Variants in MCTP1 observed in about 807,000 individuals in gnomAD.
MCTP1 encodes multiple C2 and transmembrane domain-containing protein 1.
Under a neutral mutation model 120.6 loss-of-function variants are expected in MCTP1, and 69 were observed. That is an observed-to-expected ratio of 0.57 (90% CI 0.47 to 0.70). MCTP1 has a LOEUF of 0.70. MCTP1 is among the 30% of genes least tolerant of loss of function. MCTP1 has a pLI of 0.00. For synonymous variants in MCTP1, 529 were observed against 493.1 expected (o/e 1.07, Z -0.96); for missense variants, 1,203 against 1,248.8 (o/e 0.96, Z 0.55).
chr5:95,194,589 A>G (rs1750177105), intron 1 of MCTP1, among the ~76,000 whole-genome samples: 1 of 152,216 alleles, frequency 6.6e-6, no homozygotes, highest in South Asian at 2.1e-4. Flanking sequence ...ATTTGATGCA[A>G]GTATTCAGGT....
chr5:95,159,422 T>C (rs28711954), intron 1 of MCTP1, among the ~76,000 whole-genome samples: 2,858 of 152,304 alleles, frequency 0.019, 84 homozygotes, highest in African/African-American at 0.065. Flanking sequence ...GTGCCAAGTA[T>C]ATCAGTTATA....
At chr5:95,227,305 T>C (rs748102844) in intron 1 of MCTP1, among the ~76,000 whole-genome samples, 3 of 152,194 alleles carry the variant, frequency 2.0e-5, no homozygotes, top group Non-Finnish European at 4.4e-5. Context: ...AGTTATGTCC[T>C]GAAAGATCAT....
chr5:94,931,167 A>G (rs1581418917), intron 6 of MCTP1: 2 of 152,288 alleles, frequency 1.3e-5, no homozygotes, highest in East Asian at 3.9e-4. Flanking sequence ...AGGTAAAAGC[A>G]TGATTCAATC....
chr5:95,119,879 G>A (rs578018438), intron 1 of MCTP1, among the ~76,000 whole-genome samples: 2 of 152,088 alleles, frequency 1.3e-5, no homozygotes, highest in Admixed American at 6.5e-5. Context: ...ATAATAGAAA[G>A]AGTCTCCCAG....
chr5:94,914,557 G>A (rs1809581136), intron 8 of MCTP1, among the ~76,000 whole-genome samples: 1 of 152,134 alleles, frequency 6.6e-6, no homozygotes, highest in African/African-American at 2.4e-5. Context: ...CTGCCTTGTT[G>A]AACACAGCAC....
rs536821413 is a variant in MCTP1, at chr5:95,135,332, A to G, written c.721-117848T>C. Among the ~76,000 whole-genome samples the G allele has an allele frequency of 9.8e-5, 15 of 152,368 alleles. No homozygotes were observed. The East Asian group carries it at 2.7e-3, about 27-fold the overall frequency. ...TGAATTGAGAATATTAATGATAACT[A>G]TGACTTATTGTTTATAACCTGAATC... On this transcript the variant is annotated intron_variant, in intron 1 of 22. Transcript: ENST00000515393.
At chr5:94,782,267 C>A (rs1776737479) in intron 18 of MCTP1, among the ~76,000 whole-genome samples, 1 of 152,058 alleles carries the variant, frequency 6.6e-6, no homozygotes, top group Non-Finnish European at 1.5e-5. Flanking sequence ...TTTTCCTGGA[C>A]AAAATATTCT....
At chr5:95,152,157 C>T (rs1335684489) in intron 1 of MCTP1, among the ~76,000 whole-genome samples, 1 of 152,188 alleles carries the variant, frequency 6.6e-6, no homozygotes, top group Non-Finnish European at 1.5e-5. Flanking sequence ...TAAATAATGT[C>T]ACTTGCTCTC....
intron 18 of MCTP1, among the ~76,000 whole-genome samples, chr5:94,795,447 C>A (rs1165749231): frequency 6.6e-6 from 1 of 152,202 alleles, no homozygotes; most frequent in Non-Finnish European, 1.5e-5. Context: ...TTCCTGGCAT[C>A]TACTCTTCCA....
intron 1 of MCTP1, among the ~76,000 whole-genome samples, chr5:95,165,593 A>G (rs933582455): frequency 1.3e-5 from 2 of 152,230 alleles, no homozygotes; most frequent in African/African-American, 4.8e-5. Flanking sequence ...GACTCCTCAG[A>G]GGATATAGCT....
intron 2 of MCTP1, among the ~76,000 whole-genome samples, chr5:94,953,829 A>ACATATATATATACAACTATATATATG (rs1821293763): frequency 2.4e-5 from 1 of 42,164 alleles, no homozygotes; most frequent in African/African-American, 2.4e-4. Flanking sequence ...ATATATATAT[A>ACATATATATATACAACTATATATATG]CATATATATA....
chr5:95,176,030 T>C (rs1339573030), intron 1 of MCTP1, among the ~76,000 whole-genome samples: 1 of 152,246 alleles, frequency 6.6e-6, no homozygotes, highest in Admixed American at 6.5e-5. Flanking sequence ...GCCAGCGTTC[T>C]GAGTCTGCAT....
chr5:94,981,590 G>A (rs1189311004), intron 2 of MCTP1, among the ~76,000 whole-genome samples: 1 of 152,162 alleles, frequency 6.6e-6, no homozygotes, highest in Non-Finnish European at 1.5e-5. Context: ...CAATATATGA[G>A]CATACAGTGT....
chr5:95,062,099 G>GA (rs1269331265), intron 1 of MCTP1, among the ~76,000 whole-genome samples: 1 of 152,188 alleles, frequency 6.6e-6, no homozygotes, highest in East Asian at 1.9e-4. Context: ...TGGTAGAAAT[G>GA]AAATTTGAAT....
At chr5:95,239,532 CAG>C (rs1305332448) in intron 1 of MCTP1, among the ~76,000 whole-genome samples, 9 of 152,104 alleles carry the variant, frequency 5.9e-5, no homozygotes, top group Non-Finnish European at 1.0e-4. Context: ...TCAAACAAAA[CAG>C]AAACAGGAGT....
chr5:94,773,483 G>A (rs560938660), intron 19 of MCTP1, among the ~76,000 whole-genome samples: 62 of 152,248 alleles, frequency 4.1e-4, no homozygotes, highest in Admixed American at 1.4e-3. Flanking sequence ...GCCAAGATTC[G>A]CGCCTTCCAA....
intron 1 of MCTP1, among the ~76,000 whole-genome samples, chr5:95,205,985 GA>G (rs1478217349): frequency 6.6e-6 from 1 of 151,210 alleles, no homozygotes; most frequent in Non-Finnish European, 1.5e-5. Context: ...GAAGTTCCTT[GA>G]AAAGCTAAAC....
At chr5:94,732,220 C>G (rs1049881122) in intron 19 of MCTP1, among the ~76,000 whole-genome samples, 6 of 152,218 alleles carry the variant, frequency 3.9e-5, no homozygotes, top group African/African-American at 1.4e-4. Flanking sequence ...GTGCATCCAT[C>G]TAAAGCAAGC....
intron 1 of MCTP1, among the ~76,000 whole-genome samples, chr5:95,103,771 G>T (rs1370053925): frequency 6.6e-6 from 1 of 152,126 alleles, no homozygotes; most frequent in Non-Finnish European, 1.5e-5. Context: ...CATGCTGGTG[G>T]GTAAAATGGC....
Sources: gnomAD v4.1 joint callset for allele counts (sites outside exome capture counted in the v4.1 genomes callset) on GRCh38, gnomAD v4.1.1 for gene constraint, MANE v1.5 for transcripts, NCBI Gene and HGNC (gene_info 2026-07-23, HGNC 2026-07-21) for gene names.